The following TBC1D19 variants were observed in gnomAD, a reference collection of about 807,000 sequenced individuals.
TBC1D19 encodes the protein TBC1 domain family, member 19.
Under a neutral mutation model 89.0 loss-of-function variants are expected in TBC1D19, and 60 were observed. That is an observed-to-expected ratio of 0.67 (90% CI 0.55 to 0.84). The LOEUF (loss-of-function observed/expected upper bound fraction) is 0.84. Among genes scored for constraint, TBC1D19 ranks in the 40% least tolerant of loss-of-function variants. TBC1D19 has a pLI of 0.00. For missense variants in TBC1D19, 500 were observed against 610.8 expected (o/e 0.82, Z 1.91); for synonymous variants, 189 against 199.7 (o/e 0.95, Z 0.45).
intron 1 of TBC1D19, among the ~76,000 whole-genome samples, chr4:26,601,372 T>G (rs1439077570): frequency 6.6e-6 from 1 of 152,206 alleles, no homozygotes; most frequent in Admixed American, 6.5e-5. Context: ...ATTTTCTTCC[T>G]TTTTAAGGGC....
chr4:26,709,287 C>T (rs1176038176), intron 13 of TBC1D19, among the ~76,000 whole-genome samples: 7 of 152,038 alleles, frequency 4.6e-5, no homozygotes, highest in Admixed American at 3.3e-4. Flanking sequence ...CCCCCTTATA[C>T]ACAGTTGTTT....
At chr4:26,697,318 G>T (rs1714886015) in intron 13 of TBC1D19, among the ~76,000 whole-genome samples, 1 of 152,162 alleles carries the variant, frequency 6.6e-6, no homozygotes, top group Non-Finnish European at 1.5e-5. Flanking sequence ...CCAGGAAGAA[G>T]TTGAATCTCT....
chr4:26,704,673 A>C (rs1016025886), intron 13 of TBC1D19, among the ~76,000 whole-genome samples: 5 of 152,208 alleles, frequency 3.3e-5, no homozygotes, highest in Non-Finnish European at 7.4e-5. Flanking sequence ...AGACAAATTC[A>C]TAGTTATAAT....
the TBC1D19 span, among the ~76,000 whole-genome samples, chr4:26,856,675 T>G: frequency 6.6e-6 from 1 of 152,230 alleles, no homozygotes; most frequent in Admixed American, 6.5e-5. Flanking sequence ...TTTCTCACCA[T>G]TTTCAATTGT....
intron 5 of TBC1D19, 43 bp downstream of exon 5, chr4:26,637,328 C>G: frequency 7.2e-7 from 1 of 1,389,516 alleles, no homozygotes; most frequent in African/African-American, 1.4e-5. Flanking sequence ...CATTGTGAAT[C>G]AAATACAGAA....
the TBC1D19 span, among the ~76,000 whole-genome samples, chr4:26,787,338 G>A: frequency 6.6e-6 from 1 of 152,056 alleles, no homozygotes. Context: ...CTGAGCTCGG[G>A]CAATCCACCC....
the TBC1D19 span, among the ~76,000 whole-genome samples, chr4:26,770,293 A>T: frequency 4.6e-5 from 7 of 152,106 alleles, no homozygotes; most frequent in Admixed American, 3.9e-4. Context: ...ATCAAAAGTA[A>T]ACTAGAGAGA....
intron 11 of TBC1D19, among the ~76,000 whole-genome samples, chr4:26,677,223 A>G (rs1290625555): frequency 6.6e-6 from 1 of 151,992 alleles, no homozygotes; most frequent in African/African-American, 2.4e-5. Context: ...ATGTTTCACT[A>G]CCACTCTCAT....
chr4:26,627,749 TA>T lies in TBC1D19; in HGVS notation c.294+7064del, dbSNP rs527453407. The stretch of plus-strand genomic sequence containing the variant: ...TTTTGATGGGGTTGTTTTTTTCTCG[TA>T]AATTTGTTTGAGTTCATTGTAGATT... On this transcript the variant is annotated intron_variant, in intron 4 of 20. Transcript: ENST00000264866. Among the ~76,000 whole-genome samples the T allele has an allele frequency of 1.2e-4, 19 of 152,344 alleles. 1 individual carries two copies. In the South Asian group the frequency reaches 3.7e-3, roughly 30 times the overall value.
At chr4:26,747,529 C>T (rs1384257469) in intron 18 of TBC1D19, among the ~76,000 whole-genome samples, 1 of 152,162 alleles carries the variant, frequency 6.6e-6, no homozygotes, top group Non-Finnish European at 1.5e-5. Context: ...ACCAAGGCAA[C>T]CTCTGGGTCC....
intron 15 of TBC1D19, 126 bp downstream of exon 15, chr4:26,720,251 A>T (rs1716890723): frequency 3.0e-6 from 2 of 676,108 alleles, no homozygotes; most frequent in Admixed American, 3.5e-5. Flanking sequence ...CCTTCCATAG[A>T]ATGTATAATT....
intron 13 of TBC1D19, among the ~76,000 whole-genome samples, chr4:26,706,780 T>G (rs1420972974): frequency 1.3e-5 from 2 of 152,144 alleles, no homozygotes; most frequent in South Asian, 2.1e-4. Context: ...AATTTCTTCT[T>G]TAATCCATTG....
chr4:26,857,198 G>T, the TBC1D19 span, among the ~76,000 whole-genome samples: 1 of 152,228 alleles, frequency 6.6e-6, no homozygotes, highest in African/African-American at 2.4e-5. Context: ...ATCGAATGGA[G>T]CCATCACATT....
intron 13 of TBC1D19, among the ~76,000 whole-genome samples, chr4:26,704,727 TATAG>T (rs536528730): frequency 1.3e-3 from 193 of 152,208 alleles, no homozygotes; most frequent in African/African-American, 4.2e-3. Flanking sequence ...TCTATGCAAA[TATAG>T]ATAAAGGGAA....
intron 15 of TBC1D19, among the ~76,000 whole-genome samples, chr4:26,726,665 G>C (rs886464790): frequency 3.9e-5 from 6 of 152,172 alleles, no homozygotes; most frequent in Non-Finnish European, 5.9e-5. Context: ...TATGGAATGA[G>C]AATAAACAGA....
At chr4:26,683,331 T>A (rs913226340) in intron 11 of TBC1D19, among the ~76,000 whole-genome samples, 1 of 152,138 alleles carries the variant, frequency 6.6e-6, no homozygotes, top group African/African-American at 2.4e-5. Context: ...ACCTAATTCA[T>A]TTTGTTGGTT....
Position 26,700,347 on chromosome 4 carries a change from A to G in TBC1D19, c.954+11940A>G, listed in dbSNP as rs914477803. 5.3e-5 allele frequency among the ~76,000 whole-genome samples: 8 copies of G among 152,336 alleles called. 1 individual carries two copies. Among genetic ancestry groups the G allele is most frequent in the Middle Eastern group, 6.8e-3 (2 of 294 alleles). Reference sequence around the variant, plus strand: ...GTCAAACTGTCAAAAGCCAAAGGTGATGAAACTATCTCAAAAGTGCTGAAA... The same window carrying G: ...GTCAAACTGTCAAAAGCCAAAGGTGGTGAAACTATCTCAAAAGTGCTGAAA... On this transcript the variant is annotated intron_variant, in intron 13 of 20. Transcript: ENST00000264866.
At chr4:26,645,702 A>G (rs1290106130) in intron 7 of TBC1D19, among the ~76,000 whole-genome samples, 9 of 152,214 alleles carry the variant, frequency 5.9e-5, no homozygotes, top group African/African-American at 1.7e-4. Flanking sequence ...AGAAACTACC[A>G]TCAGAGTGAA....
chr4:26,607,544 T>A (rs181891625), intron 1 of TBC1D19, among the ~76,000 whole-genome samples: 235 of 152,314 alleles, frequency 1.5e-3, no homozygotes, highest in Non-Finnish European at 2.7e-3. Flanking sequence ...GAGAGGTGAT[T>A]CCAGATCTTT....
Sources: gnomAD v4.1 joint callset for allele counts (sites outside exome capture counted in the v4.1 genomes callset) on GRCh38, gnomAD v4.1.1 for gene constraint, MANE v1.5 for transcripts, NCBI Gene and HGNC (gene_info 2026-07-23, HGNC 2026-07-21) for gene names.